RABGAP1L: variants seen among roughly 807,000 people sequenced by gnomAD.
RABGAP1L encodes the protein RAB GTPase activating protein 1 like.
Under a neutral mutation model 137.7 loss-of-function variants are expected in RABGAP1L, and 63 were observed. That is an observed-to-expected ratio of 0.46 (90% CI 0.37 to 0.56). The LOEUF (loss-of-function observed/expected upper bound fraction) is 0.56. Ranked by LOEUF, RABGAP1L falls within the 20% of genes least tolerant of loss-of-function variation. The pLI is 0.00. For synonymous variants in RABGAP1L, 431 were observed against 433.7 expected (o/e 0.99, Z 0.08); for missense variants, 1,095 against 1,244.0 (o/e 0.88, Z 1.80).
intron 19 of RABGAP1L, among the ~76,000 whole-genome samples, chr1:174,946,319 C>A (rs1666757014): frequency 6.6e-6 from 1 of 152,146 alleles, no homozygotes; most frequent in Non-Finnish European, 1.5e-5. Context: ...TAGTGTATGA[C>A]TAAGGCTTTA....
At chr1:174,900,356 C>T (rs12566477) in intron 19 of RABGAP1L, among the ~76,000 whole-genome samples, 14,126 of 152,114 alleles carry the variant, frequency 0.093, 866 homozygotes, top group East Asian at 0.22. Context: ...GGTTACTTGG[C>T]GTATATTCTA....
At chr1:174,480,447 A>G (rs769558110) in intron 13 of RABGAP1L, among the ~76,000 whole-genome samples, 5 of 152,336 alleles carry the variant, frequency 3.3e-5, no homozygotes, top group South Asian at 4.1e-4. Flanking sequence ...GGATTACAGG[A>G]TAAATTGAAT....
chr1:174,601,315 C>T (rs55643907), intron 13 of RABGAP1L, among the ~76,000 whole-genome samples: 31,886 of 152,226 alleles, frequency 0.21, 3,689 homozygotes, highest in Admixed American at 0.25. Context: ...ACATTTTCCC[C>T]ATGGTCTTGG....
intron 3 of RABGAP1L, among the ~76,000 whole-genome samples, chr1:174,221,475 A>G (rs1431242888): frequency 6.6e-6 from 1 of 152,218 alleles, no homozygotes; most frequent in Non-Finnish European, 1.5e-5. Flanking sequence ...TAATGGAGAT[A>G]GTCTTTCATG....
At chr1:174,360,668 A>G (rs1156261240) in intron 11 of RABGAP1L, among the ~76,000 whole-genome samples, 1 of 152,104 alleles carries the variant, frequency 6.6e-6, no homozygotes, top group Non-Finnish European at 1.5e-5. Flanking sequence ...AGTATACAAC[A>G]TCTGAGGACT....
At chr1:174,404,794 G>A (rs746370164) in intron 13 of RABGAP1L, among the ~76,000 whole-genome samples, 2 of 152,154 alleles carry the variant, frequency 1.3e-5, no homozygotes, top group Non-Finnish European at 2.9e-5. Flanking sequence ...GTTTAAACCT[G>A]TATCAGACAG....
chr1:174,857,139 G>C (rs1012090621), intron 19 of RABGAP1L, among the ~76,000 whole-genome samples: 1 of 152,134 alleles, frequency 6.6e-6, no homozygotes, highest in South Asian at 2.1e-4. Flanking sequence ...ACTGTCGTCT[G>C]CTTTTACAGG....
At chr1:174,462,902 C>T (rs1656851614) in intron 13 of RABGAP1L, among the ~76,000 whole-genome samples, 1 of 152,094 alleles carries the variant, frequency 6.6e-6, no homozygotes, top group African/African-American at 2.4e-5. Flanking sequence ...CCAAAAAACA[C>T]ATGAAAAAAT....
chr1:174,922,685 G>C (rs1395428561), intron 19 of RABGAP1L, among the ~76,000 whole-genome samples: 1 of 152,118 alleles, frequency 6.6e-6, no homozygotes, highest in Non-Finnish European at 1.5e-5. Flanking sequence ...TTCCAAAACT[G>C]GAACTCATGC....
intron 19 of RABGAP1L, among the ~76,000 whole-genome samples, chr1:174,893,636 G>A (rs992987158): frequency 6.6e-6 from 1 of 152,158 alleles, no homozygotes; most frequent in Admixed American, 6.6e-5. Context: ...CTCACTACAA[G>A]CCTTTTAGAT....
intron 1 of RABGAP1L, among the ~76,000 whole-genome samples, chr1:174,198,831 G>C (rs1164376751): frequency 6.6e-6 from 1 of 152,200 alleles, no homozygotes; most frequent in Admixed American, 6.5e-5. Context: ...GGCCAGGGCC[G>C]GGCATGGTGG....
chr1:174,988,596 C>T (rs1275445601), intron 24 of RABGAP1L, 45 bp from the exon 25 acceptor site: 2 of 1,402,734 alleles, frequency 1.4e-6, no homozygotes, highest in East Asian at 5.5e-5. Context: ...GGTGATTTAG[C>T]CTATGGAATA....
intron 13 of RABGAP1L, among the ~76,000 whole-genome samples, chr1:174,546,604 G>A (rs984417463): frequency 6.6e-6 from 1 of 152,176 alleles, no homozygotes; most frequent in African/African-American, 2.4e-5. Flanking sequence ...TCCATAGAAG[G>A]TGCTTTTAAA....
intron 19 of RABGAP1L, among the ~76,000 whole-genome samples, chr1:174,898,957 G>A (rs1016498624): frequency 2.0e-5 from 3 of 152,100 alleles, no homozygotes; most frequent in Non-Finnish European, 2.9e-5. Flanking sequence ...TTAAAGAGAG[G>A]TAGTGCTAAA....
intron 24 of RABGAP1L, among the ~76,000 whole-genome samples, chr1:174,984,895 G>A (rs751866239): frequency 3.9e-5 from 6 of 152,214 alleles, no homozygotes; most frequent in Non-Finnish European, 8.8e-5. Flanking sequence ...AGAGAGAAGT[G>A]TTTAAACAGA....
At chr1:174,919,684 T>A (rs1190815088) in intron 19 of RABGAP1L, among the ~76,000 whole-genome samples, 2 of 151,978 alleles carry the variant, frequency 1.3e-5, no homozygotes, top group African/African-American at 4.8e-5. Flanking sequence ...CAACACAGTG[T>A]TTCTACAAAA....
At chr1:174,500,269 A>G (rs1328764483) in intron 13 of RABGAP1L, among the ~76,000 whole-genome samples, 1 of 152,062 alleles carries the variant, frequency 6.6e-6, no homozygotes, top group Non-Finnish European at 1.5e-5. Flanking sequence ...TAGTAGAGAC[A>G]GGGTTTTACC....
chr1:174,344,562 G>A (rs953221429), intron 11 of RABGAP1L, among the ~76,000 whole-genome samples: 4 of 152,158 alleles, frequency 2.6e-5, no homozygotes, highest in African/African-American at 7.2e-5. Context: ...TAGTGATACA[G>A]CTGCATATTT....
intron 14 of RABGAP1L, among the ~76,000 whole-genome samples, chr1:174,680,842 A>C (rs908959767): frequency 6.6e-6 from 1 of 152,142 alleles, no homozygotes; most frequent in African/African-American, 2.4e-5. Context: ...TGTAGTGATC[A>C]TGCCACCGCA....
Sources: allele counts gnomAD v4.1 joint callset (sites outside exome capture counted in the v4.1 genomes callset), GRCh38; gene constraint gnomAD v4.1.1; transcripts MANE v1.5; gene names NCBI Gene and HGNC (gene_info 2026-07-23, HGNC 2026-07-21).